The following HPSE2 variants were observed in gnomAD, a reference collection of about 807,000 sequenced individuals.
HPSE2 encodes the protein heparanase 2 (inactive), also known as inactive heparanase-2.
A neutral mutation model predicts 60.5 loss-of-function variants in HPSE2; 38 were observed. The observed-to-expected ratio is 0.63, with a 90% CI of 0.48 to 0.82. The LOEUF (loss-of-function observed/expected upper bound fraction) is 0.82, where lower values mean the gene tolerates loss of function less well. Ranked by LOEUF, HPSE2 falls within the 40% of genes least tolerant of loss-of-function variation. HPSE2 has a pLI of 0.00. For synonymous variants in HPSE2, 295 were observed against 293.2 expected (o/e 1.01, Z -0.06); for missense variants, 713 against 740.4 (o/e 0.96, Z 0.43).
intron 9 of HPSE2, among the ~76,000 whole-genome samples, chr10:98,552,477 G>A (rs1369350332): frequency 1.3e-5 from 2 of 152,142 alleles, no homozygotes; most frequent in African/African-American, 2.4e-5. Context: ...AGAAGACTAA[G>A]GCTTCTGAGT....
intron 9 of HPSE2, among the ~76,000 whole-genome samples, chr10:98,544,430 G>C (rs1051399859): frequency 2.0e-5 from 3 of 152,046 alleles, no homozygotes; most frequent in Non-Finnish European, 4.4e-5. Context: ...ACTAGAGAAG[G>C]CCGGGCGCGG....
At chr10:98,974,329 G>T (rs1225356055) in intron 3 of HPSE2, among the ~76,000 whole-genome samples, 2 of 112,820 alleles carry the variant, frequency 1.8e-5, no homozygotes, top group Non-Finnish European at 4.5e-5. Flanking sequence ...TAATGCCAAA[G>T]TTTTTTTGTT....
chr10:98,602,876 G>C (rs1183737790), intron 9 of HPSE2, among the ~76,000 whole-genome samples: 13 of 152,286 alleles, frequency 8.5e-5, no homozygotes, highest in Admixed American at 2.0e-4. Flanking sequence ...AATAGGAGTA[G>C]ATCTTTGTGG....
At chr10:98,510,316 A>G (rs760697720) in intron 9 of HPSE2, among the ~76,000 whole-genome samples, 6 of 152,078 alleles carry the variant, frequency 3.9e-5, no homozygotes, top group African/African-American at 7.2e-5. Context: ...AGTCCACAGG[A>G]CCAAGGACTT....
At chr10:99,031,728 T>C (rs989699838) in intron 3 of HPSE2, among the ~76,000 whole-genome samples, 2 of 152,166 alleles carry the variant, frequency 1.3e-5, no homozygotes, top group African/African-American at 4.8e-5. Flanking sequence ...TGATAATATT[T>C]GGGTTATCTA....
At chr10:99,235,950 T>G, upstream of HPSE2, 1 of 636,372 alleles carries the variant, frequency 1.6e-6, no homozygotes, top group Non-Finnish European at 2.8e-6. Flanking sequence ...TCTCTCTCTC[T>G]CCCGCTCTCT....
At chr10:98,843,701 C>T (rs958515641) in intron 3 of HPSE2, among the ~76,000 whole-genome samples, 1 of 152,150 alleles carries the variant, frequency 6.6e-6, no homozygotes, top group Non-Finnish European at 1.5e-5. Context: ...CAGCATTTTA[C>T]AACAAATCTA....
At chr10:98,963,282 T>C (rs1234493963) in intron 3 of HPSE2, among the ~76,000 whole-genome samples, 1 of 152,132 alleles carries the variant, frequency 6.6e-6, no homozygotes, top group African/African-American at 2.4e-5. Context: ...ATTTAGACAA[T>C]ACAAAAAGCA....
chr10:99,223,751 C>T (rs1849386061), intron 2 of HPSE2, among the ~76,000 whole-genome samples: 1 of 152,066 alleles, frequency 6.6e-6, no homozygotes, highest in Admixed American at 6.6e-5. Flanking sequence ...AAATGACTTG[C>T]TTAAGTCAGT....
intron 9 of HPSE2, among the ~76,000 whole-genome samples, chr10:98,542,663 G>A (rs1360759354): frequency 1.4e-3 from 205 of 151,278 alleles, no homozygotes; most frequent in Non-Finnish European, 2.6e-3. Flanking sequence ...ACCAAGGCTC[G>A]AGAACTACGT....
chr10:99,069,983 G>A (rs548781704), intron 3 of HPSE2, among the ~76,000 whole-genome samples: 46 of 152,258 alleles, frequency 3.0e-4, no homozygotes, highest in Non-Finnish European at 1.8e-4. Flanking sequence ...TTTGAGGAAA[G>A]AGTAAAGCAA....
chr10:98,946,098 T>C (rs1053936846), intron 3 of HPSE2, among the ~76,000 whole-genome samples: 1 of 152,128 alleles, frequency 6.6e-6, no homozygotes, highest in Non-Finnish European at 1.5e-5. Context: ...ATAAAATATG[T>C]ATAACTATAG....
intron 7 of HPSE2, among the ~76,000 whole-genome samples, chr10:98,638,231 G>T (rs1946549925): frequency 6.6e-6 from 1 of 151,016 alleles, no homozygotes; most frequent in African/African-American, 2.4e-5. Context: ...AGATGACGAG[G>T]TCAGGAGATT....
intron 2 of HPSE2, among the ~76,000 whole-genome samples, chr10:99,210,797 A>G (rs1848927710): frequency 6.6e-6 from 1 of 152,214 alleles, no homozygotes; most frequent in Admixed American, 6.5e-5. Context: ...ATGTATGACA[A>G]ACTCACAGCT....
the HPSE2 span, among the ~76,000 whole-genome samples, chr10:99,274,255 G>A: frequency 1.3e-5 from 2 of 152,152 alleles, no homozygotes; most frequent in African/African-American, 4.8e-5. Context: ...GCTGAGGCAG[G>A]AGAATCGTTT....
chr10:98,552,072 T>C (rs1349076816), intron 9 of HPSE2, among the ~76,000 whole-genome samples: 2 of 152,158 alleles, frequency 1.3e-5, no homozygotes, highest in African/African-American at 2.4e-5. Context: ...TTGGATGTGG[T>C]GGATGAGGAG....
chr10:98,486,799 A>G (rs943432063), intron 10 of HPSE2, among the ~76,000 whole-genome samples: 1 of 152,180 alleles, frequency 6.6e-6, no homozygotes, highest in East Asian at 1.9e-4. Context: ...TGGGTTCGGT[A>G]AAAGCCAGGC....
chr10:98,694,037 C>A, intron 5 of HPSE2, 90 bp from the exon 6 acceptor site: 1 of 1,037,610 alleles, frequency 9.6e-7, no homozygotes, highest in South Asian at 1.3e-5. Flanking sequence ...CAGATTAGAC[C>A]AATCCTTAAG....
intron 2 of HPSE2, among the ~76,000 whole-genome samples, chr10:99,205,955 G>A (rs760784836): frequency 6.6e-6 from 1 of 152,180 alleles, no homozygotes; most frequent in African/African-American, 2.4e-5. Flanking sequence ...TTAGCACAAT[G>A]CTGCAAACCT....
Sources: gnomAD v4.1 joint callset for allele counts (sites outside exome capture counted in the v4.1 genomes callset) on GRCh38, gnomAD v4.1.1 for gene constraint, MANE v1.5 for transcripts, NCBI Gene and HGNC (gene_info 2026-07-23, HGNC 2026-07-21) for gene names.